ALOX12: variants seen among roughly 807,000 people sequenced by gnomAD.
ALOX12 encodes arachidonate 12-lipoxygenase, 12S type.
Under a neutral mutation model 85.5 loss-of-function variants are expected in ALOX12, and 62 were observed. The observed-to-expected ratio is 0.73, with a 90% CI of 0.59 to 0.90. The LOEUF (loss-of-function observed/expected upper bound fraction) is 0.90, where lower values mean the gene tolerates loss of function less well. ALOX12 is among the 40% of genes least tolerant of loss of function. The probability of loss-of-function intolerance (pLI) is 0.00; values close to 1 mark genes in which losing one functional copy is unlikely to be tolerated. For missense variants in ALOX12, 751 were observed against 856.5 expected (o/e 0.88, Z 1.54); for synonymous variants, 299 against 332.7 (o/e 0.90, Z 1.10).
rs1177965017 is a variant in ALOX12 at position 7,006,576 on chromosome 17, G to A, written c.1509G>A (p.Thr503=). Residue 503 remains threonine (T), a synonymous_variant, in exon 11 of 14, where the codon ACG becomes ACA. Coordinates refer to ENST00000251535, the MANE Select transcript of ALOX12 (RefSeq NM_000697.3). ...PELQAWCREI[T]EVGLCQAQDR... Reference sequence around the variant, plus strand: ...TGCAGGCCTGGTGTCGGGAGATCACGGAGGTGGGGCTGTGCCAGGCCCAGG... The same window carrying A: ...TGCAGGCCTGGTGTCGGGAGATCACAGAGGTGGGGCTGTGCCAGGCCCAGG... 16 of 1,612,196 alleles carry A rather than the reference G, an allele frequency of 9.9e-6. No individual in the cohort carries two copies. The highest frequency in any genetic ancestry group is 2.7e-5 in the African/African-American group (2 of 74,874).
At chr17:6,996,313 A>T in intron 1 of ALOX12, 61 bp downstream of exon 1, 1 of 1,208,836 alleles carries the variant, frequency 8.3e-7, no homozygotes, top group Non-Finnish European at 1.0e-6. Flanking sequence ...GCCCGGGCCG[A>T]GCTGGGCTCG....
chr17:7,008,901 G>A (rs1909231470), intron 11 of ALOX12, among the ~76,000 whole-genome samples: 2 of 152,048 alleles, frequency 1.3e-5, no homozygotes, highest in African/African-American at 4.8e-5. Context: ...AATTCTGTCT[G>A]GGAATAGGAT....
At chr17:7,001,419 C>A in intron 7 of ALOX12, 183 bp from the exon 8 acceptor site, 1 of 639,548 alleles carries the variant, frequency 1.6e-6, no homozygotes, top group Non-Finnish European at 2.7e-6. Context: ...GTCCCTCCTG[C>A]CTTCCACCTG....
intron 8 of ALOX12, among the ~76,000 whole-genome samples, chr17:7,004,022 T>TC: frequency 6.7e-6 from 1 of 149,648 alleles, no homozygotes; most frequent in Non-Finnish European, 1.5e-5. Context: ...ACCATGCCTT[T>TC]TTTAATAGCT....
At chr17:7,002,972 C>G (rs1344929007) in intron 8 of ALOX12, among the ~76,000 whole-genome samples, 2 of 152,136 alleles carry the variant, frequency 1.3e-5, no homozygotes, top group Non-Finnish European at 2.9e-5. Context: ...CAAGACCCCC[C>G]AAGCCTGGCC....
intron 11 of ALOX12, among the ~76,000 whole-genome samples, chr17:7,007,325 C>G (rs1028105424): frequency 6.6e-6 from 1 of 152,224 alleles, no homozygotes; most frequent in Non-Finnish European, 1.5e-5. Context: ...CACACAGGCA[C>G]CAGCCTGGAC....
chr17:7,000,396 C>T lies in ALOX12; in HGVS notation c.868C>T (p.Arg290Ter), dbSNP rs766700412. 11 of 1,614,002 alleles carry T rather than the reference C, an allele frequency of 6.8e-6. No individual in the cohort carries two copies. The highest frequency in any genetic ancestry group is 1.7e-5 in the Admixed American group (1 of 59,998). The change falls in exon 7 of 14, where the codon CGA (arginine) becomes TGA (stop). Residue 290 changes from arginine to a stop codon, truncating the protein, a stop_gained. Transcript: ENST00000251535. LOFTEE classifies it high-confidence loss of function. This position sits in a 1 kb window ranked among gnomAD's most constrained non-coding sequence, Gnocchi z 4.6. ...GGATGGAATTCCAGCCAACGTGATC[C>T]GAGGAGAGAAGCAATACCTGGCTGC... is the stretch of plus-strand genomic sequence containing the variant. ...LLDGIPANVI[R>*]GEKQYLAAPL...
At position 6,996,180 on chromosome 17, in the gene ALOX12, C is replaced by T; in HGVS notation, c.63C>T (p.Arg21=). 1 of 1,253,512 alleles carries T rather than the reference C, an allele frequency of 8.0e-7. No homozygotes were observed. Among genetic ancestry groups the T allele is most frequent in the East Asian group, 3.1e-5 (1 of 31,842 alleles). 77.6% of individuals were successfully genotyped at this position (1,253,512 alleles called of 1,614,324 possible). Reference sequence around the variant, plus strand: ...GGCTCTTCTCCGGGTCGTACAACCGCGTGCAGCTTTGGCTGGTCGGGACGC... The same window carrying T: ...GGCTCTTCTCCGGGTCGTACAACCGTGTGCAGCTTTGGCTGGTCGGGACGC... ...GAWLFSGSYN[R]VQLWLVGTRG... The change falls in exon 1 of 14, where the codon CGC becomes CGT. Residue 21 remains arginine, a synonymous_variant. Transcript: ENST00000251535.
At chr17:7,008,993 C>T (rs914968786) in intron 11 of ALOX12, among the ~76,000 whole-genome samples, 7 of 151,752 alleles carry the variant, frequency 4.6e-5, no homozygotes, top group Non-Finnish European at 1.0e-4. Context: ...TACCAGCAAT[C>T]CTCCTGCCTT....
chr17:7,002,310 T>A, intron 8 of ALOX12: 1 of 344,192 alleles, frequency 2.9e-6, no homozygotes, highest in South Asian at 2.2e-5. Context: ...AACAGTAAGG[T>A]GGATAGAGAT....
Position 7,001,756 on chromosome 17 carries a change from A to G in ALOX12, c.1106A>G (p.Glu369Gly). 1 of 1,614,078 alleles carries G rather than the reference A, an allele frequency of 6.2e-7. No individual in the cohort carries two copies. The highest frequency in any genetic ancestry group is 1.1e-5 in the South Asian group (1 of 91,072). Residue 369 changes from glutamate (E) to glycine (G), a missense_variant, in exon 8 of 14, where the codon GAG (glutamate) becomes GGG (glycine). By Grantham distance (98) the Glu-to-Gly change is moderately conservative. Coordinates refer to ENST00000251535, the MANE Select transcript of ALOX12 (RefSeq NM_000697.3). Reference sequence around the variant, plus strand: ...TTGCTGAACACTCACCTGGTGGCTGAGGTCATCGCTGTCGCCACCATGCGG... The same window carrying G: ...TTGCTGAACACTCACCTGGTGGCTGGGGTCATCGCTGTCGCCACCATGCGG... Reference protein sequence around the residue: ...YHLLNTHLVAEVIAVATMRCL... With the variant: ...YHLLNTHLVAGVIAVATMRCL...
chr17:7,005,383 C>G (rs1180700425), intron 9 of ALOX12, 40 bp downstream of exon 9: 1 of 1,526,202 alleles, frequency 6.6e-7, no homozygotes, highest in Non-Finnish European at 9.1e-7. Flanking sequence ...TCATCCATCT[C>G]TCCATGATCT....
Position 6,996,164 on chromosome 17 carries a change from C to T in ALOX12, c.47C>T (p.Ser16Phe). The T allele has an allele frequency of 8.0e-7, 1 of 1,254,298 alleles. No individual in the cohort carries two copies. The highest frequency in any genetic ancestry group is 1.0e-6 in the Non-Finnish European group (1 of 992,532). 77.7% of individuals were successfully genotyped at this position (1,254,298 alleles called of 1,614,324 possible). A position where few individuals can be genotyped will look rare whatever the true frequency, so the allele number is the denominator to read the frequency against. Residue 16 changes from serine to phenylalanine, a missense_variant, in exon 1 of 14, where the codon TCC becomes TTC. Transcript: ENST00000251535. ...IRVATGAWLF[S>F]GSYNRVQLWL... The stretch of plus-strand genomic sequence containing the variant: ...GTGGCCACCGGGGCCTGGCTCTTCT[C>T]CGGGTCGTACAACCGCGTGCAGCTT...
In ALOX12 at chr17:7,000,533, G is replaced by C; in HGVS notation, c.951+54G>C. On this transcript the variant is annotated intron_variant, in intron 7 of 13. Transcript: ENST00000251535. This position sits in a 1 kb window ranked among gnomAD's most constrained non-coding sequence, Gnocchi z 4.6. ...TTGCACTCTGTTCACCTCAACCTCT[G>C]CTCCCAGGGACCCAACCCCCAGCTC... 1 of 1,592,082 alleles carries C rather than the reference G, an allele frequency of 6.3e-7. No homozygotes were observed. The highest frequency in any genetic ancestry group is 1.7e-5 in the Admixed American group (1 of 58,754).
chr17:7,001,845 A>G, intron 8 of ALOX12, 34 bp downstream of exon 8: 1 of 1,577,674 alleles, frequency 6.3e-7, no homozygotes, highest in Non-Finnish European at 8.7e-7. Flanking sequence ...CATATCCCTC[A>G]GACCCCAGAG....
chr17:7,002,768 T>TC (rs397750017), intron 8 of ALOX12: 1 of 250,154 alleles, frequency 4.0e-6, no homozygotes, highest in Non-Finnish European at 8.1e-6. Flanking sequence ...ACAGGGAACT[T>TC]GGCAGAGGGA....
chr17:7,005,492 T>C, intron 9 of ALOX12, 149 bp downstream of exon 9: 1 of 705,210 alleles, frequency 1.4e-6, no homozygotes, highest in Non-Finnish European at 2.3e-6. Flanking sequence ...TTTTTTTTTT[T>C]TTTTTTGAGA....
At chr17:7,003,778 C>T (rs1419327365) in intron 8 of ALOX12, among the ~76,000 whole-genome samples, 2 of 152,152 alleles carry the variant, frequency 1.3e-5, no homozygotes, top group Non-Finnish European at 2.9e-5. Context: ...GGCATCCTTT[C>T]TCCTCATGTG....
At position 7,009,769 on chromosome 17, in the gene ALOX12, C is replaced by T. The variant is rs1184253109; in HGVS notation, c.1563C>T (p.Ser521=). The change falls in exon 12 of 14, where the codon TCC becomes TCT. Residue 521 remains serine, a synonymous_variant. Transcript: ENST00000251535. ...QDRGFPVSFQ[S]QSQLCHFLTM... ...CAGGTTTCCCTGTCTCCTTCCAGTCCCAGAGTCAACTCTGCCATTTCCTCA... is the reference window on the plus strand; with the variant it reads ...CAGGTTTCCCTGTCTCCTTCCAGTCTCAGAGTCAACTCTGCCATTTCCTCA... The T allele has an allele frequency of 6.2e-7, 1 of 1,614,184 alleles. No individual in the cohort carries two copies. The highest frequency in any genetic ancestry group is 8.5e-7 in the Non-Finnish European group (1 of 1,180,020).
Sources: gnomAD v4.1 joint callset for allele counts (sites outside exome capture counted in the v4.1 genomes callset) on GRCh38, gnomAD v4.1.1 for gene constraint, Gnocchi (gnomAD v3.1) non-coding constraint, MANE v1.5 for transcripts, NCBI Gene and HGNC (gene_info 2026-07-23, HGNC 2026-07-21) for gene names.